FNIP1: variants seen among roughly 807,000 people sequenced by gnomAD.
FNIP1 encodes the protein folliculin-interacting protein 1.
FNIP1 carries 40 observed loss-of-function variants against 124.5 expected under a neutral mutation model. The observed-to-expected ratio is 0.32, with a 90% CI of 0.25 to 0.42. The LOEUF (loss-of-function observed/expected upper bound fraction) is 0.42. Among genes scored for constraint, FNIP1 ranks in the 10% least tolerant of loss-of-function variants. The pLI, the probability that FNIP1 is intolerant of heterozygous loss-of-function variation, is 1.00. For synonymous variants in FNIP1, 472 were observed against 470.6 expected (o/e 1.00, Z -0.04); for missense variants, 1,176 against 1,403.7 (o/e 0.84, Z 2.59).
At chr5:131,740,491 G>A (rs1392896562) in intron 2 of FNIP1, among the ~76,000 whole-genome samples, 2 of 152,204 alleles carry the variant, frequency 1.3e-5, no homozygotes, top group African/African-American at 4.8e-5. Context: ...TGATACATGT[G>A]AATGGTCATA....
chr5:131,767,719 G>C (rs1300677102), intron 1 of FNIP1, among the ~76,000 whole-genome samples: 1 of 152,050 alleles, frequency 6.6e-6, no homozygotes, highest in Non-Finnish European at 1.5e-5. Flanking sequence ...TGTATATATA[G>C]TAATCATTTT....
chr5:131,744,644 A>AT lies in FNIP1; in HGVS notation c.138dup (p.Tyr47IlefsTer5). On this transcript the variant is annotated frameshift_variant, in exon 2 of 18. Coordinates refer to ENST00000510461, the MANE Select transcript of FNIP1 (RefSeq NM_133372.3). LOFTEE classifies it high-confidence loss of function. ...CTCCCTCGTCTTTCACAGTCTTGAT[A>AT]TACAATCAGTCGAATCTGGCTTGGA... The AT allele has an allele frequency of 6.2e-7, 1 of 1,612,118 alleles. No individual in the cohort carries two copies. The highest frequency in any genetic ancestry group is 8.5e-7 in the Non-Finnish European group (1 of 1,179,056).
intron 15 of FNIP1, among the ~76,000 whole-genome samples, chr5:131,668,903 G>A (rs1767675276): frequency 6.6e-6 from 1 of 152,074 alleles, no homozygotes; most frequent in African/African-American, 2.4e-5. Context: ...TGATGTATAT[G>A]GGCAAAAAAT....
At chr5:131,766,714 C>A (rs1300781657) in intron 1 of FNIP1, among the ~76,000 whole-genome samples, 2 of 152,170 alleles carry the variant, frequency 1.3e-5, no homozygotes, top group Non-Finnish European at 2.9e-5. Flanking sequence ...ACCAAGGAAA[C>A]CAATGGTGTA....
At chr5:131,754,787 T>C (rs142545482) in intron 1 of FNIP1, among the ~76,000 whole-genome samples, 186 of 152,288 alleles carry the variant, frequency 1.2e-3, no homozygotes, top group African/African-American at 4.4e-3. Flanking sequence ...ACAAGATCAC[T>C]TGTGCATTTT....
chr5:131,723,477 TC>T (rs1769744605), intron 3 of FNIP1, among the ~76,000 whole-genome samples: 1 of 152,198 alleles, frequency 6.6e-6, no homozygotes, highest in African/African-American at 2.4e-5. Flanking sequence ...CTTTGTCTGT[TC>T]TAACATATAC....
chr5:131,672,963 C>T (rs766667320), intron 13 of FNIP1, 39 bp from the exon 14 acceptor site: 6 of 1,375,162 alleles, frequency 4.4e-6, no homozygotes, highest in Non-Finnish European at 5.9e-6. Flanking sequence ...ATGTCCTTTA[C>T]TGACACAGCT....
chr5:131,681,014 C>G (rs917860490), intron 11 of FNIP1, among the ~76,000 whole-genome samples: 3 of 152,216 alleles, frequency 2.0e-5, no homozygotes, highest in African/African-American at 7.2e-5. Context: ...AGTTACGATA[C>G]AGTACTGAAA....
At chr5:131,717,140 A>ACCCCAC (rs1769494671) in intron 5 of FNIP1, among the ~76,000 whole-genome samples, 1 of 108,076 alleles carries the variant, frequency 9.3e-6, no homozygotes, top group African/African-American at 3.6e-5. Flanking sequence ...CTCCCCCCTC[A>ACCCCAC]CCCCACCCCA....
At chr5:131,644,907 G>A in intron 17 of FNIP1, 144 bp from the exon 18 acceptor site, 1 of 669,906 alleles carries the variant, frequency 1.5e-6, no homozygotes, top group South Asian at 1.9e-5. Context: ...AAAATTCTCA[G>A]TAAATAAAAC....
chr5:131,665,799 C>T (rs1767584648), intron 15 of FNIP1, among the ~76,000 whole-genome samples: 1 of 151,710 alleles, frequency 6.6e-6, no homozygotes, highest in South Asian at 2.1e-4. Context: ...CTATGTTGGC[C>T]AGACTGGTCT....
intron 2 of FNIP1, among the ~76,000 whole-genome samples, chr5:131,731,462 C>T (rs1469951085): frequency 1.3e-5 from 2 of 151,820 alleles, no homozygotes; most frequent in South Asian, 2.1e-4. Flanking sequence ...AAGACCAGCC[C>T]GACCAACAGG....
In FNIP1 at chr5:131,793,402, T is replaced by C. The variant is rs939675645; in HGVS notation, c.92+3428A>G. Among the ~76,000 whole-genome samples the C allele has an allele frequency of 1.3e-4, 20 of 152,144 alleles. 1 individual carries two copies. The highest frequency in any genetic ancestry group is 5.9e-5 in the Non-Finnish European group (4 of 68,038). ...ACTTTTTACTTCCACTGGAAGAAAA[T>C]GGAGAGAACATAAAGCAATATTTTC... On this transcript the variant is annotated intron_variant, in intron 1 of 17. Coordinates refer to ENST00000510461, the MANE Select transcript of FNIP1 (RefSeq NM_133372.3).
At chr5:131,770,943 T>C (rs1439066126) in intron 1 of FNIP1, among the ~76,000 whole-genome samples, 1 of 152,212 alleles carries the variant, frequency 6.6e-6, no homozygotes, top group South Asian at 2.1e-4. Context: ...TAAATTCTTT[T>C]TTTTATTATT....
chr5:131,775,532 T>G (rs1357061262), intron 1 of FNIP1, among the ~76,000 whole-genome samples: 1 of 146,476 alleles, frequency 6.8e-6, no homozygotes, highest in Non-Finnish European at 1.5e-5. Context: ...TATATACTTT[T>G]TTTTTTTTTT....
chr5:131,777,425 A>G (rs1221065177), intron 1 of FNIP1, among the ~76,000 whole-genome samples: 1 of 152,150 alleles, frequency 6.6e-6, no homozygotes, highest in Non-Finnish European at 1.5e-5. Context: ...GTCCTGTCGT[A>G]AAAACATGCT....
intron 1 of FNIP1, among the ~76,000 whole-genome samples, chr5:131,774,071 A>C (rs1345601506): frequency 6.6e-6 from 1 of 152,236 alleles, no homozygotes; most frequent in African/African-American, 2.4e-5. Flanking sequence ...TCTGTTAACA[A>C]GCTGGAGTGC....
At chr5:131,681,413 T>C (rs1286659517) in intron 11 of FNIP1, among the ~76,000 whole-genome samples, 1 of 152,008 alleles carries the variant, frequency 6.6e-6, no homozygotes, top group South Asian at 2.1e-4. Flanking sequence ...CATTCTCAAC[T>C]ACAGAGCGCA....
chr5:131,703,292 G>C (rs1053423127), intron 10 of FNIP1, among the ~76,000 whole-genome samples: 4 of 152,216 alleles, frequency 2.6e-5, no homozygotes, highest in Admixed American at 2.6e-4. Flanking sequence ...TACTGTAACA[G>C]TATGCTAATT....
Sources: gnomAD v4.1 joint callset for allele counts (sites outside exome capture counted in the v4.1 genomes callset) on GRCh38, gnomAD v4.1.1 for gene constraint, MANE v1.5 for transcripts, NCBI Gene and HGNC (gene_info 2026-07-23, HGNC 2026-07-21) for gene names.